RXRA: variants seen among roughly 807,000 people sequenced by gnomAD.
RXRA encodes retinoic acid receptor RXR-alpha.
In RXRA, 5 loss-of-function variants were observed where a neutral mutation model predicts 44.5. The observed-to-expected ratio is 0.11, with a 90% CI of 0.06 to 0.24. The LOEUF (loss-of-function observed/expected upper bound fraction) is 0.24, where lower values mean the gene tolerates loss of function less well. RXRA is among the 10% of genes least tolerant of loss of function. The pLI is 1.00. For missense variants in RXRA, 412 were observed against 646.5 expected (o/e 0.64, Z 3.93); for synonymous variants, 291 against 271.4 (o/e 1.07, Z -0.71).
At position 134,366,309 on chromosome 9, in the gene RXRA, C is replaced by CA. The variant is rs1380411836; in HGVS notation, c.29-35323_29-35322insA. On this transcript the variant is annotated intron_variant, in intron 1 of 9. Transcript: ENST00000481739. The surrounding 1 kb of genome is among the most constrained non-coding windows in gnomAD (Gnocchi z 5.9). Reference sequence around the variant, plus strand: ...TGCCACAGCCTCTCCCTCTGCCCACCCCCCCCATGCCTGCCCTGCCAGCAG... The same window carrying CA: ...TGCCACAGCCTCTCCCTCTGCCCACCACCCCCCATGCCTGCCCTGCCAGCAG... Among the ~76,000 whole-genome samples the CA allele has an allele frequency of 6.6e-6, 1 of 152,040 alleles. No homozygotes were observed. The highest frequency in any genetic ancestry group is 1.5e-5 in the Non-Finnish European group (1 of 67,968).
At chr9:134,423,154 G>C in intron 6 of RXRA, 1 of 985,456 alleles carries the variant, frequency 1.0e-6, no homozygotes, top group Non-Finnish European at 1.2e-6. Context: ...ACTGGGGCTG[G>C]TTCTTGCCGA....
chr9:134,401,385 G>A (rs1432342558), intron 1 of RXRA: 6 of 572,288 alleles, frequency 1.0e-5, no homozygotes, highest in South Asian at 4.2e-5. Context: ...TTCTTCCTGC[G>A]TCTGCCGCAG....
chr9:134,396,073 C>T (rs1428727054), intron 1 of RXRA, among the ~76,000 whole-genome samples: 1 of 152,202 alleles, frequency 6.6e-6, no homozygotes, highest in Non-Finnish European at 1.5e-5. Context: ...TCTTCAACAA[C>T]CTCTGCTGTT....
chr9:134,367,502 C>T (rs1355810151), intron 1 of RXRA, among the ~76,000 whole-genome samples: 3 of 152,238 alleles, frequency 2.0e-5, no homozygotes, highest in African/African-American at 7.2e-5. Flanking sequence ...GGAGATCCCA[C>T]TTTACAGATG....
At chr9:134,341,788 C>A (rs1474264270) in intron 1 of RXRA, among the ~76,000 whole-genome samples, 1 of 152,216 alleles carries the variant, frequency 6.6e-6, no homozygotes, top group African/African-American at 2.4e-5. Context: ...TGTTTGTTGC[C>A]ACCCCTCCTC....
At chr9:134,415,747 C>T (rs1328278094) in intron 4 of RXRA, among the ~76,000 whole-genome samples, 1 of 152,152 alleles carries the variant, frequency 6.6e-6, no homozygotes, top group African/African-American at 2.4e-5. Context: ...GAGGAACTGG[C>T]CCCAGGTCCA....
chr9:134,411,299 C>G (rs1831144958), intron 4 of RXRA, among the ~76,000 whole-genome samples: 1 of 148,946 alleles, frequency 6.7e-6, no homozygotes, highest in Non-Finnish European at 1.5e-5. Flanking sequence ...CCATCCCATC[C>G]CAGTGGAACC....
chr9:134,346,584 C>T (rs1830155603), intron 1 of RXRA, among the ~76,000 whole-genome samples: 1 of 152,192 alleles, frequency 6.6e-6, no homozygotes, highest in Admixed American at 6.5e-5. Context: ...TAGGGGTGCC[C>T]AGGGACTGCA....
In RXRA at chr9:134,421,658, C is replaced by A; in HGVS notation, c.781-18C>A. On this transcript the variant is annotated intron_variant, in intron 5 of 9. Coordinates refer to ENST00000481739, the MANE Select transcript of RXRA (RefSeq NM_002957.6). ...GGCTTCTGGGACTGAATGTCCTGCT[C>A]TTCTTCCTCCACTGCAGCCGAACGA... 6.4e-7 allele frequency: 1 copy of A among 1,553,364 alleles called. No individual in the cohort carries two copies. The highest frequency in any genetic ancestry group is 1.2e-5 in the South Asian group (1 of 81,310).
chr9:134,334,322 C>T (rs990591692), intron 1 of RXRA, among the ~76,000 whole-genome samples: 2 of 152,268 alleles, frequency 1.3e-5, no homozygotes, highest in Non-Finnish European at 2.9e-5. Flanking sequence ...CCTCTCCTGC[C>T]TGTCAGCAGT....
chr9:134,377,131 C>G (rs1325183740), intron 1 of RXRA, among the ~76,000 whole-genome samples: 1 of 152,240 alleles, frequency 6.6e-6, no homozygotes, highest in Non-Finnish European at 1.5e-5. Context: ...GGGGACGGAG[C>G]CCCAAGCTCG....
chr9:134,434,490 A>T (rs1486632759), intron 9 of RXRA, among the ~76,000 whole-genome samples: 1 of 151,678 alleles, frequency 6.6e-6, no homozygotes, highest in Non-Finnish European at 1.5e-5. Flanking sequence ...GCTGTGCTTC[A>T]CCCCCCACTG....
chr9:134,369,031 T>G (rs1407086653), intron 1 of RXRA, among the ~76,000 whole-genome samples: 7 of 37,200 alleles, frequency 1.9e-4, no homozygotes, highest in Non-Finnish European at 3.2e-4. Flanking sequence ...GTTATGTGTG[T>G]GTGGGGGGTT....
In RXRA at chr9:134,365,193, C is replaced by G. The variant is rs1471956694; in HGVS notation, c.29-36439C>G. Among the ~76,000 whole-genome samples, 1 of 152,208 alleles carries G rather than the reference C, an allele frequency of 6.6e-6. No individual in the cohort carries two copies. The highest frequency in any genetic ancestry group is 6.5e-5 in the Admixed American group (1 of 15,290). The stretch of plus-strand genomic sequence containing the variant: ...GCACGCTGGGCCCGGGAAAGCCCCT[C>G]GTGGGCCATCTCCCGGAGTTCTCTT... On this transcript the variant is annotated intron_variant, in intron 1 of 9. Coordinates refer to ENST00000481739, the MANE Select transcript of RXRA (RefSeq NM_002957.6). This position sits in a 1 kb window ranked among gnomAD's most constrained non-coding sequence, Gnocchi z 4.0.
At position 134,365,318 on chromosome 9, in the gene RXRA, G is replaced by A. The variant is rs1315644153; in HGVS notation, c.29-36314G>A. On this transcript the variant is annotated intron_variant, in intron 1 of 9. Transcript: ENST00000481739. This position sits in a 1 kb window ranked among gnomAD's most constrained non-coding sequence, Gnocchi z 4.0. ...AGCCCTCGCCCCTCGTGGTGGGGCAGCGCGTCCCTGGGTGAGTGACCAGGC... is the reference window on the plus strand; with the variant it reads ...AGCCCTCGCCCCTCGTGGTGGGGCAACGCGTCCCTGGGTGAGTGACCAGGC... Among the ~76,000 whole-genome samples, 4 of 152,262 alleles carry A rather than the reference G, an allele frequency of 2.6e-5. No homozygotes were observed. Among genetic ancestry groups the A allele is most frequent in the African/African-American group, 4.8e-5 (2 of 41,470 alleles).
chr9:134,380,829 AG>A (rs1304185923), intron 1 of RXRA, among the ~76,000 whole-genome samples: 2 of 151,976 alleles, frequency 1.3e-5, no homozygotes, highest in African/African-American at 4.8e-5. Context: ...GCCCGTCCTG[AG>A]GTAAGGGGCT....
In RXRA at chr9:134,366,614, C is replaced by T. The variant is rs1402567585; in HGVS notation, c.29-35018C>T. Among the ~76,000 whole-genome samples the T allele has an allele frequency of 6.6e-6, 1 of 152,132 alleles. No individual in the cohort carries two copies. Among genetic ancestry groups the T allele is most frequent in the Admixed American group, 6.5e-5 (1 of 15,276 alleles). ...GGGCTGGGGCAGGGAGGAAGGGCCCCTCCACTAGTGGGCTTTGGCCTCCTC... is the reference window on the plus strand; with the variant it reads ...GGGCTGGGGCAGGGAGGAAGGGCCCTTCCACTAGTGGGCTTTGGCCTCCTC... On this transcript the variant is annotated intron_variant, in intron 1 of 9. Transcript: ENST00000481739. The surrounding 1 kb of genome is among the most constrained non-coding windows in gnomAD (Gnocchi z 5.9).
At chr9:134,383,595 C>T (rs944285285) in intron 1 of RXRA, among the ~76,000 whole-genome samples, 1 of 152,148 alleles carries the variant, frequency 6.6e-6, no homozygotes, top group Admixed American at 6.5e-5. Context: ...ACAGAGGCTT[C>T]GCACCTCCCA....
At chr9:134,376,729 G>A (rs1830562767) in intron 1 of RXRA, among the ~76,000 whole-genome samples, 1 of 27,794 alleles carries the variant, frequency 3.6e-5, no homozygotes, top group South Asian at 1.3e-3. Context: ...CTGGGCACTG[G>A]GCATGGAAAT....
Sources: gnomAD v4.1 joint callset for allele counts (sites outside exome capture counted in the v4.1 genomes callset) on GRCh38, gnomAD v4.1.1 for gene constraint, Gnocchi (gnomAD v3.1) non-coding constraint, MANE v1.5 for transcripts, NCBI Gene and HGNC (gene_info 2026-07-23, HGNC 2026-07-21) for gene names.